The following RBMS1 variants were observed in gnomAD, a reference collection of about 807,000 sequenced individuals.
The protein encoded by RBMS1 is RNA binding motif single stranded interacting protein 1, also known as RNA-binding motif, single-stranded-interacting protein 1.
A neutral mutation model predicts 62.3 loss-of-function variants in RBMS1; 17 were observed. The ratio of observed to expected loss-of-function variants is 0.27; its 90% confidence interval spans 0.19 to 0.41. The LOEUF is 0.41. RBMS1 is among the 10% of genes least tolerant of loss of function. RBMS1 has a pLI of 1.00. For missense variants in RBMS1, 334 were observed against 504.5 expected (o/e 0.66, Z 3.24); for synonymous variants, 172 against 170.0 (o/e 1.01, Z -0.09).
chr2:160,288,044 T>TA (rs11375665), intron 6 of RBMS1, among the ~76,000 whole-genome samples: 52,984 of 144,544 alleles, frequency 0.37, 9,752 homozygotes, highest in East Asian at 0.53. Flanking sequence ...TCATTAGAGT[T>TA]AAAAAAAAAA....
chr2:160,367,183 G>A, intron 2 of RBMS1, 33 bp downstream of exon 2: 1 of 1,588,608 alleles, frequency 6.3e-7, no homozygotes, highest in Non-Finnish European at 8.6e-7. Context: ...AAAATACTTA[G>A]CAGCTAAAAT....
At chr2:160,435,838 C>T (rs1376302683) in intron 1 of RBMS1, among the ~76,000 whole-genome samples, 1 of 152,160 alleles carries the variant, frequency 6.6e-6, no homozygotes, top group Non-Finnish European at 1.5e-5. Flanking sequence ...ATTATAGTAT[C>T]CTAATGACTT....
At chr2:160,331,641 A>G (rs1691280078) in intron 2 of RBMS1, among the ~76,000 whole-genome samples, 1 of 152,220 alleles carries the variant, frequency 6.6e-6, no homozygotes, top group African/African-American at 2.4e-5. Context: ...TGTTTTCTAC[A>G]TTGAATGCAA....
intron 2 of RBMS1, among the ~76,000 whole-genome samples, chr2:160,347,567 T>C (rs1161663721): frequency 2.6e-5 from 4 of 152,108 alleles, no homozygotes; most frequent in Non-Finnish European, 5.9e-5. Flanking sequence ...CACAAGACAG[T>C]AGTAGAACTA....
chr2:160,420,583 T>G (rs1696385886), intron 1 of RBMS1, among the ~76,000 whole-genome samples: 1 of 151,954 alleles, frequency 6.6e-6, no homozygotes, highest in Non-Finnish European at 1.5e-5. Flanking sequence ...CCTGCGACAG[T>G]CAGCAAGTAC....
intron 13 of RBMS1, 112 bp from the exon 14 acceptor site, chr2:160,274,876 C>T (rs1461885657): frequency 2.0e-5 from 3 of 152,640 alleles, no homozygotes; most frequent in Non-Finnish European, 4.4e-5. Flanking sequence ...AAAGGTTATG[C>T]TCATCACTGA....
At chr2:160,404,314 G>T (rs1428767610) in intron 1 of RBMS1, among the ~76,000 whole-genome samples, 6 of 152,172 alleles carry the variant, frequency 3.9e-5, no homozygotes, top group Non-Finnish European at 8.8e-5. Context: ...TGATGCCCTA[G>T]CTACACTACG....
At chr2:160,489,293 G>A (rs1367267738) in intron 1 of RBMS1, among the ~76,000 whole-genome samples, 1 of 152,146 alleles carries the variant, frequency 6.6e-6, no homozygotes, top group Admixed American at 6.5e-5. Flanking sequence ...AAATAAGGTT[G>A]ATTCATCAGT....
chr2:160,434,302 TAC>T (rs1328102586), intron 1 of RBMS1, among the ~76,000 whole-genome samples: 1 of 152,208 alleles, frequency 6.6e-6, no homozygotes, highest in East Asian at 1.9e-4. Context: ...CTTTGGGCAA[TAC>T]ATATATATTA....
At chr2:160,448,440 G>A (rs1049675980) in intron 1 of RBMS1, among the ~76,000 whole-genome samples, 28 of 152,234 alleles carry the variant, frequency 1.8e-4, no homozygotes, top group East Asian at 5.8e-4. Context: ...GATTGCAGGC[G>A]CGCGCAGCCA....
At chr2:160,303,205 G>T in intron 5 of RBMS1, 125 bp downstream of exon 5, 1 of 950,624 alleles carries the variant, frequency 1.1e-6, no homozygotes, top group Non-Finnish European at 1.5e-6. Context: ...CATAATTTAA[G>T]TTCACAGTGC....
At chr2:160,293,209 A>C (rs1688767926) in intron 6 of RBMS1, among the ~76,000 whole-genome samples, 1 of 152,118 alleles carries the variant, frequency 6.6e-6, no homozygotes, top group Non-Finnish European at 1.5e-5. Context: ...GGCAATAAAA[A>C]CCTTTGAAAA....
At chr2:160,451,018 T>C (rs903921766) in intron 1 of RBMS1, among the ~76,000 whole-genome samples, 2 of 152,058 alleles carry the variant, frequency 1.3e-5, no homozygotes, top group African/African-American at 4.8e-5. Context: ...CAGTCAGATA[T>C]AGTGCTGCAT....
rs1361792296 is a variant in RBMS1, at chr2:160,311,210, A to ATCTCTCTCTCTCTCTCTCTCTCTCTC, written c.402+1945_402+1946insGAGAGAGAGAGAGAGAGAGAGAGAGA. ...ACCCTGTCTCCAAAAAAAAAAAAAAATCTATCTATCTATCTATCTATCTAT... is the reference window on the plus strand; with the variant it reads ...ACCCTGTCTCCAAAAAAAAAAAAAAATCTCTCTCTCTCTCTCTCTCTCTCTCTCTATCTATCTATCTATCTATCTAT... On this transcript the variant is annotated intron_variant, in intron 4 of 13. Coordinates refer to ENST00000348849, the MANE Select transcript of RBMS1 (RefSeq NM_016836.4). 3.0e-4 allele frequency among the ~76,000 whole-genome samples: 17 copies of ATCTCTCTCTCTCTCTCTCTCTCTCTC among 56,596 alleles called. 2 individuals are homozygous for ATCTCTCTCTCTCTCTCTCTCTCTCTC. Among genetic ancestry groups the ATCTCTCTCTCTCTCTCTCTCTCTCTC allele is most frequent in the South Asian group, 5.9e-4 (1 of 1,702 alleles). 37.1% of individuals were successfully genotyped at this position (56,596 alleles called of 152,430 possible).
chr2:160,468,206 ATAT>A (rs1051325339), intron 1 of RBMS1, among the ~76,000 whole-genome samples: 2 of 152,224 alleles, frequency 1.3e-5, no homozygotes, highest in African/African-American at 4.8e-5. Flanking sequence ...GAATAAGGTG[ATAT>A]TATATATATG....
chr2:160,477,593 T>A (rs1198345189), intron 1 of RBMS1, among the ~76,000 whole-genome samples: 1 of 152,054 alleles, frequency 6.6e-6, no homozygotes, highest in African/African-American at 2.4e-5. Flanking sequence ...GCCTGCAGAT[T>A]CTTAGAGAAC....
chr2:160,276,661 A>G (rs1483855786), intron 12 of RBMS1: 1 of 152,258 alleles, frequency 6.6e-6, no homozygotes, highest in Non-Finnish European at 1.5e-5. Flanking sequence ...AAAAACAGCT[A>G]TAGCTTCTTC....
chr2:160,491,036 C>T (rs2105369858), intron 1 of RBMS1, among the ~76,000 whole-genome samples: 1 of 151,292 alleles, frequency 6.6e-6, no homozygotes. Flanking sequence ...TTTAAACTAA[C>T]TACAAATCAA....
intron 1 of RBMS1, among the ~76,000 whole-genome samples, chr2:160,427,175 T>C (rs1682672557): frequency 1.3e-5 from 2 of 152,206 alleles, no homozygotes; most frequent in Admixed American, 6.5e-5. Flanking sequence ...GATGATTCCA[T>C]TAAGGTTTTA....
Sources: allele counts gnomAD v4.1 joint callset (sites outside exome capture counted in the v4.1 genomes callset), GRCh38; gene constraint gnomAD v4.1.1; transcripts MANE v1.5; gene names NCBI Gene and HGNC (gene_info 2026-07-23, HGNC 2026-07-21).